The following ABCA12 variants were observed in gnomAD, a reference collection of about 807,000 sequenced individuals.
The protein encoded by ABCA12 is ATP binding cassette subfamily A member 12, also known as glucosylceramide transporter ABCA12.
Under a neutral mutation model 293.5 loss-of-function variants are expected in ABCA12, and 156 were observed. The ratio of observed to expected loss-of-function variants is 0.53; its 90% CI spans 0.47 to 0.61. The LOEUF is 0.61. ABCA12 is among the 20% of genes least tolerant of loss of function. The pLI, the probability that ABCA12 is intolerant of heterozygous loss-of-function variation, is 0.00. For synonymous variants in ABCA12, 1,063 were observed against 1,108.0 expected, an observed-to-expected ratio of 0.96 and a Z score of 0.81; for missense variants, 2,797 against 3,090.2, an observed-to-expected ratio of 0.91 and a Z score of 2.25.
intron 2 of ABCA12, among the ~76,000 whole-genome samples, chr2:215,104,400 C>G (rs577319684): frequency 1.2e-4 from 19 of 152,344 alleles, no homozygotes; most frequent in African/African-American, 4.6e-4. Context: ...GTGTGCCCAT[C>G]CACATTGCAT....
chr2:215,032,163 C>T (rs916957990), intron 8 of ABCA12: 2 of 1,263,844 alleles, frequency 1.6e-6, no homozygotes, highest in East Asian at 6.8e-5. Context: ...TGCATCAAGC[C>T]ACTACATTAT....
At chr2:215,128,338 C>A (rs1702973385) in intron 1 of ABCA12, among the ~76,000 whole-genome samples, 1 of 152,192 alleles carries the variant, frequency 6.6e-6, no homozygotes, top group African/African-American at 2.4e-5. Context: ...ATTTGCACGT[C>A]TAGGTCTCTA....
intron 2 of ABCA12, among the ~76,000 whole-genome samples, chr2:215,099,691 C>CAAAAAA (rs66500510): frequency 8.5e-6 from 1 of 117,842 alleles, no homozygotes; most frequent in Non-Finnish European, 1.8e-5. Context: ...GACTTCATCT[C>CAAAAAA]AAAAAAAAAA....
chr2:215,104,814 A>T (rs1243456780), intron 2 of ABCA12, among the ~76,000 whole-genome samples: 1 of 152,196 alleles, frequency 6.6e-6, no homozygotes, highest in African/African-American at 2.4e-5. Flanking sequence ...TTTGTGATGG[A>T]AATTCCCAGG....
chr2:214,947,819 T>C (rs1388821893), intron 47 of ABCA12: 3 of 453,842 alleles, frequency 6.6e-6, no homozygotes, highest in Non-Finnish European at 1.2e-5. Flanking sequence ...GTGTTTACAA[T>C]TGCAGATTGA....
intron 1 of ABCA12, among the ~76,000 whole-genome samples, 193 bp from the exon 2 acceptor site, chr2:215,111,883 A>C (rs1702578205): frequency 6.6e-6 from 1 of 152,178 alleles, no homozygotes; most frequent in African/African-American, 2.4e-5. Flanking sequence ...GCACAGAAGA[A>C]TGATTTTTCC....
chr2:214,977,801 C>T (rs1275134866), intron 33 of ABCA12, among the ~76,000 whole-genome samples: 1 of 152,086 alleles, frequency 6.6e-6, no homozygotes, highest in Non-Finnish European at 1.5e-5. Context: ...TTTCTCAGCA[C>T]CTGAAAGACT....
chr2:215,138,024 C>T lies in ABCA12; in HGVS notation c.69+116G>A, dbSNP rs528470861. On this transcript the variant is annotated intron_variant, in intron 1 of 52. Coordinates refer to ENST00000272895, the MANE Select transcript of ABCA12 (RefSeq NM_173076.3). ...GGATGAATTCTAAATATCTTACTTC[C>T]TGCTTTGGAAAATGCCTTTAAACTC... The T allele has an allele frequency of 4.7e-6, 5 of 1,075,172 alleles. No individual in the cohort carries two copies. In the South Asian group the frequency reaches 5.0e-5, roughly 11 times the overall value. The allele number at this position is 1,075,172 out of a possible 1,614,324, so 66.6% of individuals were successfully genotyped here.
At chr2:214,971,537 GAC>G (rs995830998) in intron 36 of ABCA12, among the ~76,000 whole-genome samples, 2 of 152,170 alleles carry the variant, frequency 1.3e-5, no homozygotes, top group East Asian at 3.9e-4. Flanking sequence ...CAAAGTAACA[GAC>G]ACAGCGTAGT....
At chr2:215,116,720 G>A (rs1193614989) in intron 1 of ABCA12, among the ~76,000 whole-genome samples, 1 of 152,286 alleles carries the variant, frequency 6.6e-6, no homozygotes, top group East Asian at 1.9e-4. Flanking sequence ...GGGACAAAAT[G>A]TCATCATGCA....
intron 29 of ABCA12, among the ~76,000 whole-genome samples, chr2:214,982,816 G>A (rs1481686924): frequency 6.6e-6 from 1 of 152,120 alleles, no homozygotes; most frequent in Non-Finnish European, 1.5e-5. Flanking sequence ...GGGAAATCCA[G>A]TCAATAAATA....
chr2:214,951,529 GACGGATCACCTGAGGTCAGAAGTTCAA>G (rs1698769755), intron 44 of ABCA12, among the ~76,000 whole-genome samples: 4 of 152,150 alleles, frequency 2.6e-5, no homozygotes, highest in Admixed American at 2.6e-4. Flanking sequence ...TTGAGAGGCC[GACGGATCACCTGAGGTCAGAAGTTCAA>G]GACCAGCCTG....
intron 9 of ABCA12, among the ~76,000 whole-genome samples, chr2:215,027,278 G>A (rs981586791): frequency 2.0e-5 from 3 of 152,006 alleles, no homozygotes; most frequent in African/African-American, 4.8e-5. Context: ...CCCGGGAGGC[G>A]GAGCTTGCAG....
chr2:215,040,508 G>T (rs575869904), intron 7 of ABCA12, among the ~76,000 whole-genome samples: 40 of 152,138 alleles, frequency 2.6e-4, no homozygotes, highest in African/African-American at 9.6e-4. Flanking sequence ...CCATGCTATT[G>T]GTGAGAATAC....
chr2:215,124,893 G>A (rs1405745588), intron 1 of ABCA12, among the ~76,000 whole-genome samples: 1 of 152,148 alleles, frequency 6.6e-6, no homozygotes, highest in Admixed American at 6.5e-5. Flanking sequence ...CCAATGTCTA[G>A]AAGGGTTTTT....
intron 31 of ABCA12, among the ~76,000 whole-genome samples, chr2:214,979,460 A>G (rs962379076): frequency 8.5e-5 from 13 of 152,052 alleles, no homozygotes; most frequent in Non-Finnish European, 1.8e-4. Context: ...CTACTTAAAT[A>G]TTGCCCCACT....
At chr2:215,060,652 A>T (rs570426565) in intron 3 of ABCA12, among the ~76,000 whole-genome samples, 1 of 152,172 alleles carries the variant, frequency 6.6e-6, no homozygotes, top group South Asian at 2.1e-4. Context: ...ATCTAAAATT[A>T]ATACAAGAAG....
At chr2:214,947,373 T>C in intron 48 of ABCA12, 49 bp downstream of exon 48, 1 of 1,607,166 alleles carries the variant, frequency 6.2e-7, no homozygotes, top group Non-Finnish European at 8.5e-7. Flanking sequence ...TGCAATCAGA[T>C]ATGCTGTTCT....
Position 215,007,256 on chromosome 2 carries a change from C to A in ABCA12, c.2592+471G>T, listed in dbSNP as rs114911544. Among the ~76,000 whole-genome samples the A allele has an allele frequency of 8.0e-3, 1,217 of 152,218 alleles. 10 individuals are homozygous for A. The highest frequency in any genetic ancestry group is 0.028 in the African/African-American group (1,145 of 41,526). ...TCAGATAAATACGTTAACGAGAACA[C>A]CTTGTGTATAACATGTCAAACTGAA... On this transcript the variant is annotated intron_variant, in intron 19 of 52. Coordinates refer to ENST00000272895, the MANE Select transcript of ABCA12 (RefSeq NM_173076.3).
Sources: allele counts gnomAD v4.1 joint callset (sites outside exome capture counted in the v4.1 genomes callset), GRCh38; gene constraint gnomAD v4.1.1; transcripts MANE v1.5; gene names NCBI Gene and HGNC (gene_info 2026-07-23, HGNC 2026-07-21).